Variants in PLS1 observed in about 807,000 individuals in gnomAD.
The protein encoded by PLS1 is plastin-1.
PLS1 carries 32 observed loss-of-function variants against 73.7 expected under a neutral mutation model. The ratio of observed to expected loss-of-function variants is 0.43; its 90% CI spans 0.33 to 0.58. PLS1 has a LOEUF of 0.58. PLS1 is among the 20% of genes least tolerant of loss of function. The pLI is 0.04. For synonymous variants in PLS1, 217 were observed against 261.3 expected (o/e 0.83, Z 1.63); for missense variants, 633 against 740.5 (o/e 0.85, Z 1.68).
At chr3:142,627,914 AG>A (rs1310005275) in intron 1 of PLS1, 1 of 152,144 alleles carries the variant, frequency 6.6e-6, no homozygotes, top group African/African-American at 2.4e-5. Flanking sequence ...TACAGGTATG[AG>A]CCACCATGCT....
intron 1 of PLS1, among the ~76,000 whole-genome samples, chr3:142,613,878 G>A (rs1202523628): frequency 6.6e-6 from 1 of 152,162 alleles, no homozygotes; most frequent in Non-Finnish European, 1.5e-5. Context: ...GGACTACCAG[G>A]TGACAGGGTC....
intron 7 of PLS1, 35 bp downstream of exon 7, chr3:142,684,206 A>G (rs2037914257): frequency 3.1e-6 from 5 of 1,613,678 alleles, no homozygotes; most frequent in East Asian, 2.2e-5. Flanking sequence ...GTTCATTGAC[A>G]TGTACTTGCT....
chr3:142,639,090 T>A (rs2036773944), intron 1 of PLS1, among the ~76,000 whole-genome samples: 1 of 152,162 alleles, frequency 6.6e-6, no homozygotes, highest in African/African-American at 2.4e-5. Flanking sequence ...ACTTATATAA[T>A]AGAAGACTTC....
At chr3:142,706,537 T>C (rs1354513196) in intron 14 of PLS1, among the ~76,000 whole-genome samples, 1 of 152,156 alleles carries the variant, frequency 6.6e-6, no homozygotes, top group African/African-American at 2.4e-5. Flanking sequence ...GTAGAGGATT[T>C]TGGCCTAAAT....
chr3:142,614,731 G>T (rs138414808), intron 1 of PLS1, among the ~76,000 whole-genome samples: 1 of 152,138 alleles, frequency 6.6e-6, no homozygotes, highest in Admixed American at 6.5e-5. Context: ...GCCTGTGATG[G>T]GTGCTTCAGG....
chr3:142,631,237 A>G (rs7635146), intron 1 of PLS1, among the ~76,000 whole-genome samples: 91,264 of 151,334 alleles, frequency 0.6, 28,179 homozygotes, highest in African/African-American at 0.73. Flanking sequence ...AAAAAAGGCC[A>G]GCATGGTGGC....
chr3:142,601,216 C>T (rs959480089), intron 1 of PLS1, among the ~76,000 whole-genome samples: 9 of 151,378 alleles, frequency 5.9e-5, no homozygotes, highest in Admixed American at 2.6e-4. Context: ...TGAGCCACCG[C>T]GCCCGGCCTA....
chr3:142,677,465 G>A (rs1384397959), intron 5 of PLS1, among the ~76,000 whole-genome samples: 2 of 151,970 alleles, frequency 1.3e-5, no homozygotes, highest in Non-Finnish European at 2.9e-5. Context: ...GGCCAACATG[G>A]TGAAACCCCA....
intron 1 of PLS1, among the ~76,000 whole-genome samples, chr3:142,631,776 C>T (rs2036571196): frequency 1.4e-5 from 2 of 140,040 alleles, no homozygotes; most frequent in African/African-American, 5.3e-5. Context: ...TAGAAGAAAA[C>T]ATTGGGTGAA....
Position 142,711,981 on chromosome 3 carries a change from G to T in PLS1, c.1864G>T (p.Gly622Ter). ...MVMTVFACLM[G>*]KGLNRIK Reference sequence around the variant, plus strand: ...TATGACGGTGTTTGCATGCTTAATGGGAAAAGGACTGAACAGAATAAAATA... The same window carrying T: ...TATGACGGTGTTTGCATGCTTAATGTGAAAAGGACTGAACAGAATAAAATA... Residue 622 changes from glycine (G) to a stop codon, truncating the protein, a stop_gained, in exon 16 of 16, where the codon GGA becomes TGA. Coordinates refer to ENST00000457734, the MANE Select transcript of PLS1 (RefSeq NM_001145319.2). LOFTEE classifies it high-confidence loss of function. The T allele has an allele frequency of 6.2e-7, 1 of 1,613,438 alleles. No homozygotes were observed. Among genetic ancestry groups the T allele is most frequent in the Non-Finnish European group, 8.5e-7 (1 of 1,179,496 alleles).
intron 4 of PLS1, among the ~76,000 whole-genome samples, chr3:142,672,170 C>CA (rs1472167839): frequency 6.6e-6 from 1 of 152,034 alleles, no homozygotes; most frequent in African/African-American, 2.4e-5. Context: ...ATGTAGCTGC[C>CA]AACCAGAACA....
intron 6 of PLS1, 98 bp downstream of exon 6, chr3:142,678,211 A>G (rs1014772802): frequency 6.0e-6 from 3 of 497,262 alleles, no homozygotes; most frequent in African/African-American, 2.0e-5. Context: ...CTTTGATTTA[A>G]TTGTAATGCT....
rs143746932 is a variant in PLS1 at position 142,620,881 on chromosome 3, G to A, written c.-37+24372G>A. 1.6e-3 allele frequency among the ~76,000 whole-genome samples: 241 copies of A among 152,200 alleles called. 3 individuals are homozygous for A. Among genetic ancestry groups the A allele is most frequent in the Non-Finnish European group, 2.3e-3 (157 of 68,012 alleles). The stretch of plus-strand genomic sequence containing the variant: ...AAAAATACAAAAATTAGCTGGGCGC[G>A]GTGGCAGGTGCCTGTAATCACAGCT... On this transcript the variant is annotated intron_variant, in intron 1 of 15. Transcript: ENST00000457734.
intron 1 of PLS1, among the ~76,000 whole-genome samples, chr3:142,600,171 G>A (rs781550413): frequency 7.9e-5 from 12 of 152,252 alleles, no homozygotes; most frequent in African/African-American, 2.2e-4. Flanking sequence ...GTGTGTCATC[G>A]GAAGAGGTGA....
intron 1 of PLS1, among the ~76,000 whole-genome samples, chr3:142,621,753 G>C (rs910364763): frequency 6.6e-6 from 1 of 152,080 alleles, no homozygotes; most frequent in Admixed American, 6.6e-5. Flanking sequence ...AACCACACAG[G>C]ATCCATTTTT....
rs780669122 is a variant in PLS1 at position 142,711,594 on chromosome 3, T to G, written c.1723T>G (p.Leu575Val). Residue 575 changes from leucine to valine, a missense_variant, in exon 15 of 16, where the codon TTA becomes GTA. Leu to Val is a conservative substitution (Grantham distance 32). Coordinates refer to ENST00000457734, the MANE Select transcript of PLS1 (RefSeq NM_001145319.2). ...TCAAGAAATGATCAGGAGAGAAAACTTATCTGATGAGGACAAGCTGAACAA... is the reference window on the plus strand; with the variant it reads ...TCAAGAAATGATCAGGAGAGAAAACGTATCTGATGAGGACAAGCTGAACAA... ...VRQEMIRREN[L>V]SDEDKLNNAK... 2 of 1,608,828 alleles carry G rather than the reference T, an allele frequency of 1.2e-6. No individual in the cohort carries two copies. Among genetic ancestry groups the G allele is most frequent in the African/African-American group, 2.7e-5 (2 of 74,868 alleles).
chr3:142,650,628 A>G (rs562947997), intron 1 of PLS1, among the ~76,000 whole-genome samples: 135 of 152,262 alleles, frequency 8.9e-4, no homozygotes, highest in African/African-American at 3.0e-3. Context: ...TGGACCTGGA[A>G]CCTCAGCCAA....
chr3:142,698,348 T>C, intron 12 of PLS1: 1 of 243,842 alleles, frequency 4.1e-6, no homozygotes, highest in Non-Finnish European at 7.9e-6. Flanking sequence ...ACAATTGGTA[T>C]AACGTTCTGA....
chr3:142,618,030 A>G (rs2036246493), intron 1 of PLS1, among the ~76,000 whole-genome samples: 1 of 152,172 alleles, frequency 6.6e-6, no homozygotes, highest in African/African-American at 2.4e-5. Context: ...TTTCATGTCT[A>G]TTTCAGTAAT....
Sources: gnomAD v4.1 joint callset for allele counts (sites outside exome capture counted in the v4.1 genomes callset) on GRCh38, gnomAD v4.1.1 for gene constraint, MANE v1.5 for transcripts, NCBI Gene and HGNC (gene_info 2026-07-23, HGNC 2026-07-21) for gene names.